The following CLIP1 variants were observed in gnomAD, a reference collection of about 807,000 sequenced individuals.
CLIP1 encodes CAP-Gly domain-containing linker protein 1.
A neutral mutation model predicts 161.6 loss-of-function variants in CLIP1; 66 were observed. The ratio of observed to expected loss-of-function variants is 0.41; its 90% confidence interval spans 0.33 to 0.50. The LOEUF is 0.50. Ranked by LOEUF, CLIP1 falls within the 20% of genes least tolerant of loss-of-function variation. CLIP1 has a pLI of 0.27. For synonymous variants in CLIP1, 598 were observed against 626.2 expected, an observed-to-expected ratio of 0.96 and a Z score of 0.67; for missense variants, 1,376 against 1,702.0, an observed-to-expected ratio of 0.81 and a Z score of 3.37.
chr12:122,345,533 T>TA (rs1438222299), intron 10 of CLIP1, among the ~76,000 whole-genome samples: 1 of 151,382 alleles, frequency 6.6e-6, no homozygotes, highest in African/African-American at 2.4e-5. Flanking sequence ...TCCTTCTTCT[T>TA]AAAAAATAAA....
chr12:122,286,283 C>A (rs1011423367), intron 21 of CLIP1, among the ~76,000 whole-genome samples: 1 of 151,902 alleles, frequency 6.6e-6, no homozygotes, highest in African/African-American at 2.4e-5. Flanking sequence ...CTTTGGGAGG[C>A]TGAGGCAAGT....
chr12:122,395,005 G>A (rs1221676657), intron 1 of CLIP1, among the ~76,000 whole-genome samples: 1 of 152,122 alleles, frequency 6.6e-6, no homozygotes, highest in East Asian at 1.9e-4. Flanking sequence ...AAAACAGATG[G>A]TGACAACTTC....
At chr12:122,328,599 TG>T (rs1313162553) in intron 15 of CLIP1, among the ~76,000 whole-genome samples, 173 bp from the exon 16 acceptor site, 44 of 140,670 alleles carry the variant, frequency 3.1e-4, no homozygotes, top group African/African-American at 1.2e-3. Context: ...TGTTTTGTTT[TG>T]GGGGGGCGGA....
At chr12:122,364,325 T>C (rs1954019119) in intron 3 of CLIP1, among the ~76,000 whole-genome samples, 1 of 152,334 alleles carries the variant, frequency 6.6e-6, no homozygotes, top group African/African-American at 2.4e-5. Context: ...GCCTAATATG[T>C]TGCAATAATG....
chr12:122,288,350 A>G, intron 21 of CLIP1, 139 bp downstream of exon 21: 1 of 698,180 alleles, frequency 1.4e-6, no homozygotes, highest in Non-Finnish European at 2.3e-6. Context: ...ATATTTTGTC[A>G]GTTACAAGTA....
At chr12:122,385,143 G>A (rs150738733) in intron 1 of CLIP1, among the ~76,000 whole-genome samples, 2 of 151,962 alleles carry the variant, frequency 1.3e-5, no homozygotes, top group African/African-American at 4.8e-5. Context: ...ATATTGGCCA[G>A]GATGGTCTCA....
intron 1 of CLIP1, among the ~76,000 whole-genome samples, chr12:122,398,364 G>A (rs1224164911): frequency 6.6e-6 from 1 of 150,730 alleles, no homozygotes; most frequent in East Asian, 1.9e-4. Context: ...GGTGGAGGTT[G>A]CAGTGAGCCG....
intron 1 of CLIP1, among the ~76,000 whole-genome samples, chr12:122,389,534 G>T (rs982921058): frequency 6.6e-6 from 1 of 151,986 alleles, no homozygotes; most frequent in African/African-American, 2.4e-5. Flanking sequence ...CAAAGCCGGC[G>T]GATCACTTGA....
chr12:122,376,860 A>T (rs1402337829), intron 3 of CLIP1, among the ~76,000 whole-genome samples: 3 of 152,114 alleles, frequency 2.0e-5, no homozygotes, highest in Non-Finnish European at 2.9e-5. Flanking sequence ...AGAATAGTTC[A>T]CTGCTCTTTC....
At chr12:122,329,952 T>C (rs2136249256) in intron 15 of CLIP1, among the ~76,000 whole-genome samples, 1 of 152,106 alleles carries the variant, frequency 6.6e-6, no homozygotes, top group Non-Finnish European at 1.5e-5. Flanking sequence ...ACCCCATCTC[T>C]ACTAAAAATA....
intron 11 of CLIP1, 114 bp downstream of exon 11, chr12:122,340,639 G>C: frequency 3.7e-6 from 3 of 819,006 alleles, no homozygotes; most frequent in Non-Finnish European, 5.7e-6. Context: ...GGGACATCAA[G>C]CAATTTAATT....
At chr12:122,356,952 C>T (rs1953417455) in intron 5 of CLIP1, among the ~76,000 whole-genome samples, 1 of 152,238 alleles carries the variant, frequency 6.6e-6, no homozygotes, top group Non-Finnish European at 1.5e-5. Context: ...CAATGGTACC[C>T]AGGCTGGAGT....
chr12:122,272,682 T>C lies in CLIP1; in HGVS notation c.*193A>G. 1.7e-6 allele frequency: 1 copy of C among 575,246 alleles called. No homozygotes were observed. Among genetic ancestry groups the C allele is most frequent in the Non-Finnish European group, 3.1e-6 (1 of 322,478 alleles). The allele number at this position is 575,246 out of a possible 1,614,324, so 35.6% of individuals were successfully genotyped here. A position where few individuals can be genotyped will look rare whatever the true frequency, so the allele number is the denominator to read the frequency against. On this transcript the variant is annotated 3_prime_UTR_variant, in exon 26 of 26. Transcript: ENST00000620786. ...AAATTCGAGGTGAAAACTCACCTACTAAATATTTATTATTCTAACTCATAC... is the reference window on the plus strand; with the variant it reads ...AAATTCGAGGTGAAAACTCACCTACCAAATATTTATTATTCTAACTCATAC...
intron 1 of CLIP1, among the ~76,000 whole-genome samples, chr12:122,415,043 G>C (rs1956686795): frequency 6.6e-6 from 1 of 151,966 alleles, no homozygotes; most frequent in African/African-American, 2.4e-5. Context: ...CGGCGACGGA[G>C]TGAGACTCTG....
chr12:122,352,034 T>C, intron 8 of CLIP1, among the ~76,000 whole-genome samples: 1 of 149,020 alleles, frequency 6.7e-6, no homozygotes, highest in Middle Eastern at 3.3e-3. Flanking sequence ...AAAGCTGAGA[T>C]AAAGCAAAAA....
chr12:122,378,136 G>C (rs991494493), intron 2 of CLIP1, among the ~76,000 whole-genome samples, 176 bp from the exon 3 acceptor site: 4 of 152,212 alleles, frequency 2.6e-5, no homozygotes, highest in Admixed American at 6.5e-5. Context: ...GCCCAGGCTA[G>C]AATGCAGTGG....
At chr12:122,394,035 C>CA (rs1478395024) in intron 1 of CLIP1, among the ~76,000 whole-genome samples, 1 of 151,428 alleles carries the variant, frequency 6.6e-6, no homozygotes, top group Non-Finnish European at 1.5e-5. Context: ...CAGTCTACTT[C>CA]AAAAAACAGG....
At chr12:122,366,938 T>C (rs1954203502) in intron 3 of CLIP1, among the ~76,000 whole-genome samples, 1 of 152,204 alleles carries the variant, frequency 6.6e-6, no homozygotes, top group African/African-American at 2.4e-5. Context: ...TTGGTCTCAC[T>C]GCAGTTGAGT....
chr12:122,314,136 C>T (rs1951171803), intron 19 of CLIP1, among the ~76,000 whole-genome samples: 1 of 151,866 alleles, frequency 6.6e-6, no homozygotes. Flanking sequence ...ACTAAAAATA[C>T]AAAAATTAGA....
Sources: gnomAD v4.1 joint callset for allele counts (sites outside exome capture counted in the v4.1 genomes callset) on GRCh38, gnomAD v4.1.1 for gene constraint, MANE v1.5 for transcripts, NCBI Gene and HGNC (gene_info 2026-07-23, HGNC 2026-07-21) for gene names.